Variants in DOCK11 observed in about 807,000 individuals in gnomAD.
The protein encoded by DOCK11 is dedicator of cytokinesis 11, also known as dedicator of cytokinesis protein 11.
DOCK11 carries 70 observed loss-of-function variants against 169.1 expected under a neutral mutation model. That is an observed-to-expected ratio of 0.41 (90% CI 0.34 to 0.51). The LOEUF (loss-of-function observed/expected upper bound fraction) is 0.51. DOCK11 is among the 20% of genes least tolerant of loss of function. The probability of loss-of-function intolerance (pLI) is 0.10; values close to 1 mark genes in which losing one functional copy is unlikely to be tolerated. For missense variants in DOCK11, 1,166 were observed against 1,538.8 expected (o/e 0.76, Z 4.05); for synonymous variants, 529 against 541.3 (o/e 0.98, Z 0.32).
At chrX:118,616,295 T>C in intron 30 of DOCK11, 1 of 795,235 alleles carries the variant, frequency 1.3e-6, no homozygotes, top group Non-Finnish European at 1.6e-6. Flanking sequence ...AAACAATTGA[T>C]TTGATGAATT....
intron 45 of DOCK11, among the ~76,000 whole-genome samples, chrX:118,669,475 G>A (rs1229093871): frequency 9.0e-6 from 1 of 111,722 alleles, no homozygotes; most frequent in Non-Finnish European, 1.9e-5. Context: ...GGTGAGGATC[G>A]ACTTCCTAGT....
At chrX:118,659,019 G>A (rs749457821) in intron 44 of DOCK11, among the ~76,000 whole-genome samples, 19 of 111,764 alleles carry the variant, frequency 1.7e-4, no homozygotes, top group Admixed American at 6.7e-4. Context: ...TTCCCAAGAC[G>A]TGGTATCCAG....
At chrX:118,612,296 A>AC (rs753706870) in intron 28 of DOCK11, among the ~76,000 whole-genome samples, 5 of 112,304 alleles carry the variant, frequency 4.5e-5, no homozygotes, top group Non-Finnish European at 7.5e-5. Flanking sequence ...GAATTAAAAT[A>AC]AAGTTTTAAC....
intron 51 of DOCK11, 33 bp downstream of exon 51, chrX:118,681,827 T>C (rs1452636213): frequency 1.8e-6 from 2 of 1,085,239 alleles, no homozygotes; most frequent in Admixed American, 5.5e-5. Context: ...GTTAGACCCG[T>C]GTTCGTTTTC....
At chrX:118,577,613 G>A (rs1035291903) in intron 12 of DOCK11, among the ~76,000 whole-genome samples, 10 of 111,458 alleles carry the variant, frequency 9.0e-5, no homozygotes, top group Non-Finnish European at 1.3e-4. Context: ...CAGCCATTAC[G>A]CAGGATCCTT....
intron 48 of DOCK11, among the ~76,000 whole-genome samples, chrX:118,677,739 A>G (rs1019645076): frequency 8.9e-6 from 1 of 112,453 alleles, no homozygotes; most frequent in Non-Finnish European, 1.9e-5. Context: ...GGTAGTTTCA[A>G]CGTAATATAT....
At chrX:118,619,789 G>A (rs967816473) in intron 31 of DOCK11, among the ~76,000 whole-genome samples, 13 of 108,150 alleles carry the variant, frequency 1.2e-4, no homozygotes, top group African/African-American at 4.0e-4. Context: ...CACAGCTACA[G>A]TTTCTATTTA....
At chrX:118,624,754 C>CTTT (rs368211104) in intron 32 of DOCK11, 99 bp downstream of exon 32, 1,252 of 230,359 alleles carry the variant, frequency 5.4e-3, no homozygotes, top group South Asian at 6.5e-3. Context: ...TAAGAGTTCA[C>CTTT]TTTTTTTTTT....
rs756892842 is a variant in DOCK11 at position 118,513,837 on chromosome X, C to A, written c.102+17764C>A. Among the ~76,000 whole-genome samples, 69 of 111,726 alleles carry A rather than the reference C, an allele frequency of 6.2e-4. 1 individual carries two copies. Among genetic ancestry groups the A allele is most frequent in the African/African-American group, 1.8e-3 (55 of 30,754 alleles). ...GGGGTTACTTGGCAGAGGCCAGGCA[C>A]ACTTCAGAGCACCTGGAGTGGGCCT... On this transcript the variant is annotated intron_variant, in intron 1 of 52. Coordinates refer to ENST00000276202, the MANE Select transcript of DOCK11 (RefSeq NM_144658.4).
chrX:118,659,618 A>G lies in DOCK11; in HGVS notation c.4970-3068A>G, dbSNP rs183610791. On this transcript the variant is annotated intron_variant, in intron 44 of 52. Coordinates refer to ENST00000276202, the MANE Select transcript of DOCK11 (RefSeq NM_144658.4). ...GGGAGGAATATAGTCATCTCTGGGTAGAGATCCATTATCAGGCAGATGCAT... is the reference window on the plus strand; with the variant it reads ...GGGAGGAATATAGTCATCTCTGGGTGGAGATCCATTATCAGGCAGATGCAT... Among the ~76,000 whole-genome samples, 457 of 112,301 alleles carry G rather than the reference A, an allele frequency of 4.1e-3. 8 individuals are homozygous for G. The Admixed American group carries it at 0.041, about 10-fold the overall frequency.
At chrX:118,677,021 T>G (rs1024981998) in intron 48 of DOCK11, among the ~76,000 whole-genome samples, 3 of 111,650 alleles carry the variant, frequency 2.7e-5, no homozygotes, top group African/African-American at 9.8e-5. Context: ...CTCATGAGGT[T>G]GTTGTATGGA....
intron 6 of DOCK11, among the ~76,000 whole-genome samples, chrX:118,554,569 A>G (rs890525137): frequency 1.8e-5 from 2 of 111,174 alleles, no homozygotes; most frequent in African/African-American, 3.3e-5. Flanking sequence ...AAACAAAACA[A>G]AAAACCACCT....
intron 38 of DOCK11, among the ~76,000 whole-genome samples, chrX:118,640,015 A>G (rs1277024824): frequency 8.9e-6 from 1 of 112,291 alleles, no homozygotes; most frequent in Non-Finnish European, 1.9e-5. Context: ...TTAATATAAT[A>G]GTATATGTAA....
intron 1 of DOCK11, among the ~76,000 whole-genome samples, chrX:118,517,812 A>G (rs184957077): frequency 2.2e-3 from 241 of 111,755 alleles, no homozygotes; most frequent in African/African-American, 7.0e-3. Flanking sequence ...GTTTTCTTTA[A>G]AGTGAAATTT....
At chrX:118,515,706 G>A (rs1415381751) in intron 1 of DOCK11, among the ~76,000 whole-genome samples, 1 of 108,832 alleles carries the variant, frequency 9.2e-6, no homozygotes, top group Non-Finnish European at 1.9e-5. Context: ...ATTTCATTAG[G>A]CCTCCTAAGA....
chrX:118,616,896 A>G (rs1306060581), intron 30 of DOCK11, among the ~76,000 whole-genome samples: 1 of 111,701 alleles, frequency 9.0e-6, no homozygotes, highest in African/African-American at 3.3e-5. Flanking sequence ...TTTTTAAACC[A>G]TAGCACTCCT....
intron 12 of DOCK11, among the ~76,000 whole-genome samples, chrX:118,576,355 C>T (rs1387146866): frequency 2.7e-5 from 3 of 111,426 alleles, no homozygotes; most frequent in African/African-American, 9.8e-5. Flanking sequence ...TCCTAAACGG[C>T]CAGACCTCCA....
intron 1 of DOCK11, among the ~76,000 whole-genome samples, chrX:118,531,525 A>G (rs1231925224): frequency 1.0e-5 from 1 of 96,369 alleles, no homozygotes; most frequent in African/African-American, 3.9e-5. Context: ...CATTCTATAC[A>G]GCTTAACCAT....
chrX:118,602,106 T>C (rs986824457), intron 23 of DOCK11, among the ~76,000 whole-genome samples: 10 of 104,172 alleles, frequency 9.6e-5, no homozygotes, highest in Non-Finnish European at 1.6e-4. Context: ...TTTTTTTTTT[T>C]TTTTTTTTTT....
Sources: gnomAD v4.1 joint callset for allele counts (sites outside exome capture counted in the v4.1 genomes callset) on GRCh38, gnomAD v4.1.1 for gene constraint, MANE v1.5 for transcripts, NCBI Gene and HGNC (gene_info 2026-07-23, HGNC 2026-07-21) for gene names.